Variants in MZT2A observed in about 807,000 individuals in gnomAD.
MZT2A encodes the protein mitotic-spindle organizing protein 2A.
MZT2A carries 8 observed loss-of-function variants against 12.4 expected under a neutral mutation model. The ratio of observed to expected loss-of-function variants is 0.64; its 90% CI spans 0.38 to 1.16. The LOEUF is 1.16. Among genes scored for constraint, MZT2A ranks in the 50% most tolerant of loss-of-function variants. The pLI is 0.01. For synonymous variants in MZT2A, 88 were observed against 107.5 expected (o/e 0.82, Z 1.12); for missense variants, 181 against 223.6 (o/e 0.81, Z 1.22).
chr2:131,493,157 G>A, upstream of MZT2A: 1 of 1,436,688 alleles, frequency 7.0e-7, no homozygotes. Flanking sequence ...GGCGCGGGAC[G>A]CGCGCGTGAG....
chr2:131,487,632 T>C lies in MZT2A; in HGVS notation c.320-3414A>G, dbSNP rs114438914. Among the ~76,000 whole-genome samples, 876 of 152,380 alleles carry C rather than the reference T, an allele frequency of 5.7e-3. 4 individuals are homozygous for C. The highest frequency in any genetic ancestry group is 0.02 in the African/African-American group (834 of 41,576). On this transcript the variant is annotated intron_variant, in intron 2 of 2. Transcript: ENST00000309451. ...ACCTTTGTTCTTTTTCTTGTTTCTT[T>C]GTAGAAATGGGTGGGGTCTTGCTAT...
downstream of MZT2A, among the ~76,000 whole-genome samples, chr2:131,483,248 G>A (rs1169754483): frequency 6.6e-6 from 1 of 152,154 alleles, no homozygotes; most frequent in Admixed American, 6.5e-5. Flanking sequence ...AAGTGTTGGA[G>A]GTCTGTGGAT....
At chr2:131,485,010 C>G (rs944907303) in intron 2 of MZT2A, among the ~76,000 whole-genome samples, 3 of 152,198 alleles carry the variant, frequency 2.0e-5, no homozygotes, top group African/African-American at 4.8e-5. Flanking sequence ...TCCCTGGGCT[C>G]AGGGTGTTGA....
intron 2 of MZT2A, among the ~76,000 whole-genome samples, chr2:131,488,675 C>T (rs1318897648): frequency 6.6e-6 from 1 of 152,194 alleles, no homozygotes; most frequent in Non-Finnish European, 1.5e-5. Flanking sequence ...AGCATTCCAT[C>T]TGTGGCCTCT....
chr2:131,492,971 T>A (rs962741783), upstream of MZT2A: 2 of 1,519,850 alleles, frequency 1.3e-6, no homozygotes, highest in African/African-American at 2.8e-5. Context: ...CCGGCCGGCC[T>A]TCTTCGCTTT....
chr2:131,484,633 G>A (rs1226318206), intron 2 of MZT2A, among the ~76,000 whole-genome samples: 1 of 152,228 alleles, frequency 6.6e-6, no homozygotes, highest in Non-Finnish European at 1.5e-5. Context: ...CTCAAGGTGT[G>A]TTCACGCTGG....
chr2:131,493,408 G>A (rs1464004833), upstream of MZT2A, among the ~76,000 whole-genome samples: 1 of 152,200 alleles, frequency 6.6e-6, no homozygotes, highest in Admixed American at 6.5e-5. Flanking sequence ...CGTCGTTGAA[G>A]GAATTGAGGG....
intron 1 of MZT2A, 77 bp downstream of exon 1, chr2:131,492,130 C>T: frequency 6.5e-7 from 1 of 1,544,482 alleles, no homozygotes; most frequent in East Asian, 2.4e-5. Context: ...CTCCTCCCGA[C>T]CAGCGGGCCG....
chr2:131,490,638 G>A (rs1380678650), intron 2 of MZT2A: 2 of 1,548,970 alleles, frequency 1.3e-6, no homozygotes, highest in South Asian at 1.2e-5. Flanking sequence ...AGCTGCTTGG[G>A]CCTCTTGGGG....
chr2:131,483,680 A>G (rs903933950), downstream of MZT2A, among the ~76,000 whole-genome samples: 1 of 152,088 alleles, frequency 6.6e-6, no homozygotes, highest in African/African-American at 2.4e-5. Context: ...GCACTACTGC[A>G]CTCCAGCTTG....
upstream of MZT2A, chr2:131,493,152 G>A (rs1239741296): frequency 2.1e-6 from 3 of 1,442,186 alleles, no homozygotes; most frequent in East Asian, 5.2e-5. Context: ...TGAGTGGCGC[G>A]GGACGCGCGC....
intron 2 of MZT2A, among the ~76,000 whole-genome samples, chr2:131,484,829 CCA>C (rs1202765068): frequency 1.3e-5 from 2 of 152,190 alleles, no homozygotes; most frequent in African/African-American, 4.8e-5. Context: ...AGGGTTCCTG[CCA>C]CAGTCTGAAC....
intron 2 of MZT2A, among the ~76,000 whole-genome samples, chr2:131,474,687 G>C (rs1354714031): frequency 6.6e-6 from 1 of 151,506 alleles, no homozygotes; most frequent in Non-Finnish European, 1.5e-5. Flanking sequence ...TGGGATTACA[G>C]GTGTGAGCCA....
At chr2:131,490,129 G>T in intron 2 of MZT2A, 1 of 681,030 alleles carries the variant, frequency 1.5e-6, no homozygotes, top group Non-Finnish European at 1.8e-6. Flanking sequence ...GGCTCATGCA[G>T]GAGGCGCGAC....
At chr2:131,485,466 G>C (rs1679017458) in intron 2 of MZT2A, among the ~76,000 whole-genome samples, 1 of 152,162 alleles carries the variant, frequency 6.6e-6, no homozygotes, top group South Asian at 2.1e-4. Context: ...CCTCAGTGCG[G>C]TGTGCCTAGG....
chr2:131,480,630 A>G (rs765656354), downstream of MZT2A: 25 of 1,613,582 alleles, frequency 1.5e-5, no homozygotes, highest in East Asian at 2.7e-4. Context: ...CGGCAAGTAC[A>G]TGGCCTGCTG....
intron 2 of MZT2A, among the ~76,000 whole-genome samples, chr2:131,489,041 G>C (rs1259489470): frequency 1.3e-5 from 2 of 151,662 alleles, no homozygotes; most frequent in Admixed American, 1.3e-4. Flanking sequence ...CCAGCACCTG[G>C]ACAGCGCTCT....
chr2:131,487,509 A>T (rs1029821676), intron 2 of MZT2A, among the ~76,000 whole-genome samples: 1 of 152,198 alleles, frequency 6.6e-6, no homozygotes, highest in African/African-American at 2.4e-5. Flanking sequence ...GTAAAAGAAA[A>T]TGCACAATTA....
intron 2 of MZT2A, among the ~76,000 whole-genome samples, chr2:131,488,348 T>A (rs1438180665): frequency 6.6e-6 from 1 of 152,160 alleles, no homozygotes; most frequent in East Asian, 1.9e-4. Flanking sequence ...TCCCCTTCCC[T>A]GTGGGTATGA....
Sources: allele counts gnomAD v4.1 joint callset (sites outside exome capture counted in the v4.1 genomes callset), GRCh38; gene constraint gnomAD v4.1.1; transcripts MANE v1.5; gene names NCBI Gene and HGNC (gene_info 2026-07-23, HGNC 2026-07-21).